CIP2A: variants seen among roughly 807,000 people sequenced by gnomAD.
The protein encoded by CIP2A is cellular inhibitor of PP2A, also known as protein CIP2A.
In CIP2A, 103 loss-of-function variants were observed where a neutral mutation model predicts 110.9. The ratio of observed to expected loss-of-function variants is 0.93; its 90% CI spans 0.79 to 1.09. CIP2A has a LOEUF of 1.09. Among genes scored for constraint, CIP2A ranks in the 50% least tolerant of loss-of-function variants. The probability of loss-of-function intolerance (pLI) is 0.00; values close to 1 mark genes in which losing one functional copy is unlikely to be tolerated. For missense variants in CIP2A, 1,088 were observed against 1,038.4 expected, an observed-to-expected ratio of 1.05 and a Z score of -0.66; for synonymous variants, 381 against 361.6, an observed-to-expected ratio of 1.05 and a Z score of -0.61.
At chr3:108,560,462 C>T (rs763082283) in intron 14 of CIP2A, among the ~76,000 whole-genome samples, 187 bp downstream of exon 14, 2 of 152,118 alleles carry the variant, frequency 1.3e-5, no homozygotes, top group Non-Finnish European at 1.5e-5. Context: ...CGTAAGCCAC[C>T]GCACCCGGCA....
intron 2 of CIP2A, among the ~76,000 whole-genome samples, chr3:108,584,086 T>C (rs1938969547): frequency 6.6e-6 from 1 of 152,174 alleles, no homozygotes; most frequent in African/African-American, 2.4e-5. Flanking sequence ...ATCTAGAAAT[T>C]CTAATGGAAT....
At chr3:108,558,389 A>G (rs148517698) in intron 16 of CIP2A, among the ~76,000 whole-genome samples, 1 of 152,304 alleles carries the variant, frequency 6.6e-6, no homozygotes, top group African/African-American at 2.4e-5. Flanking sequence ...TATAAATAAT[A>G]TCAAGTTGTA....
intron 19 of CIP2A, among the ~76,000 whole-genome samples, chr3:108,553,116 C>CTTTTT (rs1559687188): frequency 1.5e-5 from 2 of 131,166 alleles, no homozygotes; most frequent in African/African-American, 2.9e-5. Context: ...CATCTCTTTC[C>CTTTTT]TTTTGTTTTT....
chr3:108,574,045 A>C (rs548989778), intron 8 of CIP2A, among the ~76,000 whole-genome samples: 3 of 152,128 alleles, frequency 2.0e-5, no homozygotes, highest in Non-Finnish European at 4.4e-5. Context: ...ATAAACACTA[A>C]ATTGATCTAT....
chr3:108,589,230 T>C (rs1419811832), intron 1 of CIP2A, 44 bp downstream of exon 1: 2 of 1,434,630 alleles, frequency 1.4e-6, no homozygotes, highest in Non-Finnish European at 2.0e-6. Context: ...AAATAAGAAT[T>C]GCTAGGGGAA....
rs373272885 is a variant in CIP2A at position 108,568,860 on chromosome 3, A to G, written c.1113+529T>C. Among the ~76,000 whole-genome samples, 4 of 151,966 alleles carry G rather than the reference A, an allele frequency of 2.6e-5. No homozygotes were observed. In the East Asian group the frequency reaches 7.8e-4, roughly 30 times the overall value. The stretch of plus-strand genomic sequence containing the variant: ...TTATGTGAAGGGAAATACTTTCAGG[A>G]GATATTGGGTTAGACAGAATGGATT... On this transcript the variant is annotated intron_variant, in intron 9 of 20. Transcript: ENST00000295746.
At chr3:108,566,011 A>G (rs993698531) in intron 11 of CIP2A, among the ~76,000 whole-genome samples, 4 of 151,726 alleles carry the variant, frequency 2.6e-5, no homozygotes, top group Non-Finnish European at 4.4e-5. Context: ...ATTCATGAGG[A>G]GGGAAGGGGT....
chr3:108,589,157 G>C (rs971956961), intron 1 of CIP2A, 117 bp downstream of exon 1: 1 of 722,882 alleles, frequency 1.4e-6, no homozygotes, highest in Non-Finnish European at 2.4e-6. Context: ...AAAGACAACA[G>C]AGGGATCGAA....
At chr3:108,575,391 T>C (rs968080183) in intron 8 of CIP2A, among the ~76,000 whole-genome samples, 1 of 149,856 alleles carries the variant, frequency 6.7e-6, no homozygotes, top group Non-Finnish European at 1.5e-5. Flanking sequence ...TATGCGTGTA[T>C]ATATGTTCAC....
At chr3:108,564,341 C>T (rs1938109931) in intron 12 of CIP2A, among the ~76,000 whole-genome samples, 2 of 151,958 alleles carry the variant, frequency 1.3e-5, no homozygotes, top group Non-Finnish European at 2.9e-5. Flanking sequence ...TCAGTTTTGG[C>T]TTCTACACTG....
intron 7 of CIP2A, 73 bp from the exon 8 acceptor site, chr3:108,576,419 G>T (rs1938654083): frequency 1.3e-6 from 1 of 777,226 alleles, no homozygotes; most frequent in Non-Finnish European, 2.0e-6. Context: ...TTATCTACAA[G>T]ATAAATATAA....
chr3:108,559,215 C>A (rs35254052), intron 16 of CIP2A, among the ~76,000 whole-genome samples: 55,899 of 151,878 alleles, frequency 0.37, 11,039 homozygotes, highest in East Asian at 0.53. Context: ...ATCAACTGGA[C>A]TTGGTGAATA....
At chr3:108,575,467 A>G (rs1481736937) in intron 8 of CIP2A, among the ~76,000 whole-genome samples, 4 of 149,080 alleles carry the variant, frequency 2.7e-5, no homozygotes, top group Non-Finnish European at 5.9e-5. Context: ...TATACATGTG[A>G]GTATATATAC....
intron 16 of CIP2A, 103 bp from the exon 17 acceptor site, chr3:108,557,517 T>C (rs1937851634): frequency 1.2e-6 from 1 of 822,036 alleles, no homozygotes; most frequent in Admixed American, 3.0e-5. Flanking sequence ...TAAGCTGGTA[T>C]CTGTTGGGTC....
Position 108,589,318 on chromosome 3 carries a change from CG to C in CIP2A, c.57del (p.Val20Ter). The part of the protein sequence containing the change: ...SLLLTVSQYK[A>X]VKSEANATQL... ...TGAGTGGCGTTCGCCTCTGACTTCACGGCTTTGTACTGACTGACAGTCAGGA... is the reference window on the plus strand; with the variant it reads ...TGAGTGGCGTTCGCCTCTGACTTCACGCTTTGTACTGACTGACAGTCAGGA... On this transcript the variant is annotated frameshift_variant, in exon 1 of 21. Coordinates refer to ENST00000295746, the MANE Select transcript of CIP2A (RefSeq NM_020890.3). LOFTEE classifies it high-confidence loss of function. 1 of 1,614,024 alleles carries C rather than the reference CG, an allele frequency of 6.2e-7. No individual in the cohort carries two copies.
intron 10 of CIP2A, among the ~76,000 whole-genome samples, chr3:108,567,186 G>T (rs938804679): frequency 6.7e-6 from 1 of 149,922 alleles, no homozygotes; most frequent in African/African-American, 2.4e-5. Context: ...ATGATTTCAG[G>T]GTTTCACATC....
rs1937709693 is a variant in CIP2A, at chr3:108,554,376, T to A, written c.2324A>T (p.Lys775Ile). ...CAGAATATAGAACTAGAGATTTTAC[T>A]TTTCATTTTGTTCCTTGAGTGACTC... The part of the protein sequence containing the change: ...LNESLKEQNE[K>I]SIAQLIEKEE... The change falls in exon 18 of 21, where the codon AAA (lysine) becomes ATA (isoleucine). Residue 775 changes from lysine (K) to isoleucine (I), a missense_variant and splice_region_variant. By Grantham distance (102) the Lys-to-Ile change is moderately radical. Coordinates refer to ENST00000295746, the MANE Select transcript of CIP2A (RefSeq NM_020890.3). The A allele has an allele frequency of 1.5e-6, 2 of 1,364,388 alleles. No homozygotes were observed. Among genetic ancestry groups the A allele is most frequent in the Non-Finnish European group, 2.1e-6 (2 of 970,698 alleles). The allele number at this position is 1,364,388 out of a possible 1,614,324, so 84.5% of individuals were successfully genotyped here.
In CIP2A at chr3:108,553,555, A is replaced by G. The variant is rs917736796; in HGVS notation, c.2407+93T>C. 42 of 1,090,452 alleles carry G rather than the reference A, an allele frequency of 3.9e-5. 2 individuals carry two copies. The Admixed American group carries it at 1.0e-3, about 26-fold the overall frequency. 67.5% of individuals were successfully genotyped at this position (1,090,452 alleles called of 1,614,324 possible). Reference sequence around the variant, plus strand: ...CAAATATGATTTAAAGTTTAAAACAATAAGTAGAAAATAAAAAAGCAAACA... The same window carrying G: ...CAAATATGATTTAAAGTTTAAAACAGTAAGTAGAAAATAAAAAAGCAAACA... On this transcript the variant is annotated intron_variant, in intron 19 of 20. Transcript: ENST00000295746.
At chr3:108,563,515 T>C (rs1938079141) in intron 12 of CIP2A, among the ~76,000 whole-genome samples, 2 of 152,188 alleles carry the variant, frequency 1.3e-5, no homozygotes, top group South Asian at 2.1e-4. Flanking sequence ...TTATGCCTTA[T>C]ATATTTTCGT....
Sources: gnomAD v4.1 joint callset for allele counts (sites outside exome capture counted in the v4.1 genomes callset) on GRCh38, gnomAD v4.1.1 for gene constraint, MANE v1.5 for transcripts, NCBI Gene and HGNC (gene_info 2026-07-23, HGNC 2026-07-21) for gene names.